Variants in DSCAM observed in about 807,000 individuals in gnomAD.
DSCAM encodes cell adhesion molecule DSCAM.
DSCAM carries 47 observed loss-of-function variants against 217.7 expected under a neutral mutation model. That is an observed-to-expected ratio of 0.22 (90% CI 0.17 to 0.28). The LOEUF is 0.28. Ranked by LOEUF, DSCAM falls within the 10% of genes least tolerant of loss-of-function variation. DSCAM has a pLI of 1.00. For synonymous variants in DSCAM, 1,056 were observed against 1,015.3 expected, an observed-to-expected ratio of 1.04 and a Z score of -0.76; for missense variants, 2,080 against 2,618.3, an observed-to-expected ratio of 0.79 and a Z score of 4.49.
At chr21:40,381,420 G>A (rs1395778871) in intron 3 of DSCAM, among the ~76,000 whole-genome samples, 1 of 152,180 alleles carries the variant, frequency 6.6e-6, no homozygotes, top group Non-Finnish European at 1.5e-5. Context: ...GGGCTGGAAG[G>A]GAATGTGTAT....
At chr21:40,218,412 G>T (rs1488367998) in intron 11 of DSCAM, among the ~76,000 whole-genome samples, 1 of 152,294 alleles carries the variant, frequency 6.6e-6, no homozygotes, top group Non-Finnish European at 1.5e-5. Flanking sequence ...AGTAGAGTTT[G>T]AAGTTGGGTA....
intron 21 of DSCAM, among the ~76,000 whole-genome samples, chr21:40,092,399 A>C (rs1473655749): frequency 6.6e-6 from 1 of 152,168 alleles, no homozygotes; most frequent in Non-Finnish European, 1.5e-5. Context: ...GCCTCCCTTG[A>C]CCAAATCCTC....
At chr21:40,297,991 A>C (rs1382866364) in intron 9 of DSCAM, among the ~76,000 whole-genome samples, 1 of 152,206 alleles carries the variant, frequency 6.6e-6, no homozygotes, top group East Asian at 1.9e-4. Context: ...TGATCAAATA[A>C]ATTAAGATTA....
At chr21:40,331,434 G>T (rs531925640) in intron 8 of DSCAM, among the ~76,000 whole-genome samples, 2 of 152,276 alleles carry the variant, frequency 1.3e-5, no homozygotes, top group East Asian at 3.9e-4. Context: ...CACACTCACA[G>T]CATTATTTTT....
rs181482558 is a variant in DSCAM, at chr21:40,029,238, G to A, written c.5686+13133C>T. On this transcript the variant is annotated intron_variant, in intron 32 of 32. Transcript: ENST00000400454. ...CTTCTTATGATGTTTATCCTGTGCC[G>A]TCAAGAGAAGCCATTACATGAAGCT... Among the ~76,000 whole-genome samples, 81 of 152,038 alleles carry A rather than the reference G, an allele frequency of 5.3e-4. 1 individual carries two copies. The highest frequency in any genetic ancestry group is 4.3e-3 in the East Asian group (22 of 5,158).
chr21:40,622,918 T>C (rs2089541666), intron 3 of DSCAM, among the ~76,000 whole-genome samples: 1 of 152,228 alleles, frequency 6.6e-6, no homozygotes, highest in Admixed American at 6.5e-5. Context: ...GCTCATTCTT[T>C]GTCATATAAT....
chr21:40,111,669 C>A (rs2089900605), intron 20 of DSCAM, among the ~76,000 whole-genome samples: 4 of 152,036 alleles, frequency 2.6e-5, no homozygotes, highest in African/African-American at 2.4e-5. Flanking sequence ...TTCAGGAAAC[C>A]CATCTCACAT....
chr21:40,230,668 A>G, intron 11 of DSCAM, among the ~76,000 whole-genome samples: 1 of 152,192 alleles, frequency 6.6e-6, no homozygotes, highest in East Asian at 1.9e-4. Context: ...AGTTAAAAAT[A>G]TTGTTCAATT....
intron 27 of DSCAM, among the ~76,000 whole-genome samples, chr21:40,066,192 C>T (rs555528643): frequency 2.0e-4 from 30 of 152,338 alleles, no homozygotes; most frequent in Middle Eastern, 3.4e-3. Flanking sequence ...TTCGGGTTGT[C>T]TTTCTCTTGG....
intron 8 of DSCAM, among the ~76,000 whole-genome samples, chr21:40,326,549 A>T (rs1420163527): frequency 2.0e-5 from 3 of 152,200 alleles, no homozygotes; most frequent in African/African-American, 7.2e-5. Flanking sequence ...TTATGTGGAG[A>T]AACGGGGAAC....
chr21:40,420,497 C>A (rs2075413249), intron 3 of DSCAM, among the ~76,000 whole-genome samples: 1 of 152,120 alleles, frequency 6.6e-6, no homozygotes, highest in African/African-American at 2.4e-5. Context: ...ATGGAGCAAG[C>A]AGGAAGGTCA....
At chr21:40,095,899 A>G (rs449998) in intron 20 of DSCAM, among the ~76,000 whole-genome samples, 116,217 of 152,098 alleles carry the variant, frequency 0.76, 44,591 homozygotes, top group South Asian at 0.79. Context: ...AATTAAACTC[A>G]AAATGAAACT....
chr21:40,221,293 A>G (rs566243167), intron 11 of DSCAM, among the ~76,000 whole-genome samples: 1 of 152,054 alleles, frequency 6.6e-6, no homozygotes, highest in East Asian at 1.9e-4. Context: ...ACAATCAGAC[A>G]CCTGATTGGA....
intron 3 of DSCAM, among the ~76,000 whole-genome samples, chr21:40,604,529 A>C (rs562088473): frequency 6.6e-6 from 1 of 152,320 alleles, no homozygotes; most frequent in South Asian, 2.1e-4. Context: ...GGGTAATGAA[A>C]GCTAATATAA....
chr21:40,350,759 AG>A (rs1569078762), intron 5 of DSCAM, among the ~76,000 whole-genome samples: 1 of 151,900 alleles, frequency 6.6e-6, no homozygotes, highest in African/African-American at 2.4e-5. Context: ...GGCAGGGAGC[AG>A]GGGCATGTCT....
At chr21:40,708,969 C>T (rs1300982492) in intron 1 of DSCAM, among the ~76,000 whole-genome samples, 198 bp from the exon 2 acceptor site, 1 of 152,196 alleles carries the variant, frequency 6.6e-6, no homozygotes, top group Non-Finnish European at 1.5e-5. Flanking sequence ...ATCCTAATTT[C>T]ACATTTTGTA....
intron 3 of DSCAM, among the ~76,000 whole-genome samples, chr21:40,376,414 T>C (rs1489065632): frequency 9.0e-5 from 13 of 143,652 alleles, no homozygotes; most frequent in Non-Finnish European, 6.0e-5. Context: ...CTATATCATA[T>C]ATATCTTATA....
intron 3 of DSCAM, among the ~76,000 whole-genome samples, chr21:40,624,949 T>G (rs2089579750): frequency 6.6e-6 from 1 of 152,210 alleles, no homozygotes; most frequent in African/African-American, 2.4e-5. Flanking sequence ...TAAAGTGAGC[T>G]TTTATAATCT....
At chr21:40,267,259 T>G (rs918722538) in intron 11 of DSCAM, among the ~76,000 whole-genome samples, 3 of 143,680 alleles carry the variant, frequency 2.1e-5, no homozygotes, top group Non-Finnish European at 2.9e-5. Flanking sequence ...TGTTTTACAG[T>G]TAACTTTTTT....
Sources: allele counts gnomAD v4.1 joint callset (sites outside exome capture counted in the v4.1 genomes callset), GRCh38; gene constraint gnomAD v4.1.1; transcripts MANE v1.5; gene names NCBI Gene and HGNC (gene_info 2026-07-23, HGNC 2026-07-21).